Variants in PTPRD observed in about 807,000 individuals in gnomAD.
PTPRD encodes the protein receptor-type tyrosine-protein phosphatase delta.
Under a neutral mutation model 214.5 loss-of-function variants are expected in PTPRD, and 34 were observed. That is an observed-to-expected ratio of 0.16 (90% CI 0.12 to 0.21). The LOEUF is 0.21. Ranked by LOEUF, PTPRD falls within the 10% of genes least tolerant of loss-of-function variation. The pLI, the probability that PTPRD is intolerant of heterozygous loss-of-function variation, is 1.00. For missense variants in PTPRD, 2,545 were observed against 2,398.7 expected (o/e 1.06, Z -1.27); for synonymous variants, 1,128 against 845.7 (o/e 1.33, Z -5.79).
At chr9:9,637,913 T>C (rs1051802729) in intron 7 of PTPRD, among the ~76,000 whole-genome samples, 5 of 152,300 alleles carry the variant, frequency 3.3e-5, no homozygotes, top group African/African-American at 7.2e-5. Flanking sequence ...CACAGATCTA[T>C]ACTCTGTGAG....
At chr9:10,304,774 GA>G (rs946795600) in intron 3 of PTPRD, among the ~76,000 whole-genome samples, 4 of 152,062 alleles carry the variant, frequency 2.6e-5, no homozygotes, top group East Asian at 1.9e-4. Context: ...CAAACAATTG[GA>G]AAAACATTCC....
At chr9:9,569,640 G>C (rs1236271218) in intron 8 of PTPRD, among the ~76,000 whole-genome samples, 1 of 151,514 alleles carries the variant, frequency 6.6e-6, no homozygotes, top group African/African-American at 2.4e-5. Context: ...GTATATCAAA[G>C]AGGGAGCAAG....
intron 10 of PTPRD, among the ~76,000 whole-genome samples, chr9:9,069,821 G>C (rs542962882): frequency 6.6e-6 from 1 of 152,170 alleles, no homozygotes. Context: ...TGGAAGAGGA[G>C]CAGTATAAAA....
chr9:10,568,524 T>C (rs915509159), intron 2 of PTPRD, among the ~76,000 whole-genome samples: 1 of 152,066 alleles, frequency 6.6e-6, no homozygotes, highest in African/African-American at 2.4e-5. Flanking sequence ...TAGTTCTAGA[T>C]CCCCGAGGAA....
intron 5 of PTPRD, among the ~76,000 whole-genome samples, chr9:9,858,251 G>A (rs559516538): frequency 6.6e-6 from 1 of 152,264 alleles, no homozygotes; most frequent in African/African-American, 2.4e-5. Context: ...GCTAGTAGCA[G>A]ACAAATGTGG....
At chr9:9,081,883 G>A (rs944963572) in intron 10 of PTPRD, among the ~76,000 whole-genome samples, 1 of 149,246 alleles carries the variant, frequency 6.7e-6, no homozygotes, top group Non-Finnish European at 1.5e-5. Context: ...TTTATTTTGA[G>A]CGTATGTGTG....
At position 8,734,562 on chromosome 9, in the gene PTPRD, T is replaced by C. The variant is rs201823787; in HGVS notation, c.-103-616A>G. 1.2e-4 allele frequency among the ~76,000 whole-genome samples: 19 copies of C among 152,356 alleles called. No homozygotes were observed. The East Asian group carries it at 1.9e-3, about 15-fold the overall frequency. ...AAACAATAGTTAGCATGAGCCTCTT[T>C]CATTTAACAGGATTTTTATATGCCT... On this transcript the variant is annotated intron_variant, in intron 11 of 45. Coordinates refer to ENST00000381196, the MANE Select transcript of PTPRD (RefSeq NM_002839.4).
intron 6 of PTPRD, among the ~76,000 whole-genome samples, chr9:9,764,809 C>T (rs912189416): frequency 6.6e-5 from 10 of 152,088 alleles, no homozygotes; most frequent in East Asian, 1.9e-4. Flanking sequence ...TTCAAAGTCA[C>T]GATCCCCCCA....
chr9:9,174,223 G>A (rs1339446760), intron 10 of PTPRD, among the ~76,000 whole-genome samples: 2 of 152,000 alleles, frequency 1.3e-5, no homozygotes, highest in African/African-American at 4.8e-5. Flanking sequence ...AACAGATCAT[G>A]AACTCCTTGA....
intron 9 of PTPRD, among the ~76,000 whole-genome samples, chr9:9,292,629 C>CTT (rs1022576502): frequency 6.6e-5 from 10 of 151,484 alleles, no homozygotes; most frequent in African/African-American, 2.4e-4. Context: ...AAAATCCATA[C>CTT]TTTATTCAGA....
chr9:9,388,753 G>C (rs1474814161), intron 9 of PTPRD, among the ~76,000 whole-genome samples: 1 of 152,144 alleles, frequency 6.6e-6, no homozygotes, highest in African/African-American at 2.4e-5. Context: ...TCTAAGGAAA[G>C]TAAGTAGCAT....
At chr9:8,962,442 A>T (rs1488858577) in intron 11 of PTPRD, among the ~76,000 whole-genome samples, 1 of 152,022 alleles carries the variant, frequency 6.6e-6, no homozygotes, top group Non-Finnish European at 1.5e-5. Flanking sequence ...GGAAGATGGT[A>T]CTTTGGATGT....
intron 8 of PTPRD, among the ~76,000 whole-genome samples, chr9:9,495,505 A>T (rs1395371726): frequency 6.6e-6 from 1 of 152,002 alleles, no homozygotes; most frequent in Non-Finnish European, 1.5e-5. Flanking sequence ...TCCTGTGCCT[A>T]TAAAGACCCC....
At chr9:10,492,228 A>C (rs1228223573) in intron 2 of PTPRD, among the ~76,000 whole-genome samples, 1 of 152,216 alleles carries the variant, frequency 6.6e-6, no homozygotes, top group Non-Finnish European at 1.5e-5. Flanking sequence ...GTATATACCC[A>C]GTAATGGGAT....
chr9:9,002,947 A>C (rs2099429724), intron 11 of PTPRD, among the ~76,000 whole-genome samples: 1 of 152,026 alleles, frequency 6.6e-6, no homozygotes, highest in Non-Finnish European at 1.5e-5. Flanking sequence ...CCTGTTGTTA[A>C]ATGTTCAACA....
intron 14 of PTPRD, among the ~76,000 whole-genome samples, chr9:8,530,561 T>A (rs1231608878): frequency 6.6e-6 from 1 of 152,152 alleles, no homozygotes. Context: ...CCAGGAGTTC[T>A]TCCATGTTTT....
intron 7 of PTPRD, among the ~76,000 whole-genome samples, chr9:9,683,636 TA>T (rs1388815283): frequency 6.6e-6 from 1 of 151,654 alleles, no homozygotes; most frequent in Non-Finnish European, 1.5e-5. Flanking sequence ...TCTGAAGTAA[TA>T]AGATTTATTG....
intron 9 of PTPRD, among the ~76,000 whole-genome samples, chr9:9,248,314 G>T (rs1199960406): frequency 6.6e-6 from 1 of 151,922 alleles, no homozygotes; most frequent in Non-Finnish European, 1.5e-5. Context: ...GGCTAATCTT[G>T]AACTCCTGAC....
At chr9:8,628,840 AG>A (rs1212082190) in intron 14 of PTPRD, among the ~76,000 whole-genome samples, 1 of 151,864 alleles carries the variant, frequency 6.6e-6, no homozygotes, top group Non-Finnish European at 1.5e-5. Flanking sequence ...TTGCTAAACT[AG>A]GTAACTAAAA....
Sources: allele counts gnomAD v4.1 joint callset (sites outside exome capture counted in the v4.1 genomes callset), GRCh38; gene constraint gnomAD v4.1.1; transcripts MANE v1.5; gene names NCBI Gene and HGNC (gene_info 2026-07-23, HGNC 2026-07-21).